LAMTOR3: variants seen among roughly 807,000 people sequenced by gnomAD.
LAMTOR3 encodes the protein late endosomal/lysosomal adaptor, MAPK and MTOR activator 3.
In LAMTOR3, 14 loss-of-function variants were observed where a neutral mutation model predicts 20.3. That is an observed-to-expected ratio of 0.69 (90% CI 0.46 to 1.08). The LOEUF is 1.08. Ranked by LOEUF, LAMTOR3 falls within the 50% of genes least tolerant of loss-of-function variation. The probability of loss-of-function intolerance (pLI) is 0.00; values close to 1 mark genes in which losing one functional copy is unlikely to be tolerated. For missense variants in LAMTOR3, 125 were observed against 143.7 expected (o/e 0.87, Z 0.67); for synonymous variants, 40 against 49.4 (o/e 0.81, Z 0.80).
intron 3 of LAMTOR3, among the ~76,000 whole-genome samples, chr4:99,891,248 C>T (rs556115107): frequency 5.3e-5 from 8 of 152,136 alleles, no homozygotes; most frequent in Non-Finnish European, 8.8e-5. Flanking sequence ...CCTTTCATTA[C>T]GCTAAGGTAA....
chr4:99,882,268 T>C (rs1235921781), intron 6 of LAMTOR3, among the ~76,000 whole-genome samples: 1 of 152,184 alleles, frequency 6.6e-6, no homozygotes, highest in Non-Finnish European at 1.5e-5. Context: ...TTCTGGAATA[T>C]TTGTACAATA....
chr4:99,882,902 A>C (rs1724854414), intron 6 of LAMTOR3, among the ~76,000 whole-genome samples: 1 of 152,094 alleles, frequency 6.6e-6, no homozygotes, highest in Non-Finnish European at 1.5e-5. Context: ...TTAGTTTACT[A>C]GAGTGAAAGG....
chr4:99,891,488 G>T (rs547393448), intron 3 of LAMTOR3, among the ~76,000 whole-genome samples: 2 of 152,204 alleles, frequency 1.3e-5, no homozygotes, highest in East Asian at 3.9e-4. Flanking sequence ...TCAGTAACCA[G>T]CCACATCATT....
At chr4:99,882,695 T>A (rs1404776036) in intron 6 of LAMTOR3, among the ~76,000 whole-genome samples, 2 of 152,052 alleles carry the variant, frequency 1.3e-5, no homozygotes, top group Non-Finnish European at 2.9e-5. Context: ...TAACAGATTA[T>A]ATCAAAAGAT....
rs900483822 is a variant in LAMTOR3 at position 99,878,480 on chromosome 4, C to A, written c.*3514G>T. The A allele has an allele frequency of 6.6e-5, 10 of 152,208 alleles. No individual in the cohort carries two copies. The highest frequency in any genetic ancestry group is 2.2e-4 in the African/African-American group (9 of 41,442). 9.4% of individuals were successfully genotyped at this position (152,208 alleles called of 1,614,324 possible). On this transcript the variant is annotated 3_prime_UTR_variant, in exon 7 of 7. Coordinates refer to ENST00000499666, the MANE Select transcript of LAMTOR3 (RefSeq NM_021970.4). ...ATGAAGTTTACAATGAAAAGGCTCACTCCTGGGATCCTTATCCCCCAGGTA... is the reference window on the plus strand; with the variant it reads ...ATGAAGTTTACAATGAAAAGGCTCAATCCTGGGATCCTTATCCCCCAGGTA...
chr4:99,878,470 A>G lies in LAMTOR3; in HGVS notation c.*3524T>C, dbSNP rs914835867. The G allele has an allele frequency of 5.3e-5, 8 of 152,234 alleles. No individual in the cohort carries two copies. In the East Asian group the frequency reaches 1.3e-3, roughly 26 times the overall value. The allele number at this position is 152,234 out of a possible 1,614,324, so 9.4% of individuals were successfully genotyped here. On this transcript the variant is annotated 3_prime_UTR_variant, in exon 7 of 7. Coordinates refer to ENST00000499666, the MANE Select transcript of LAMTOR3 (RefSeq NM_021970.4). ...TCAAAGTACAATGAAGTTTACAATG[A>G]AAAGGCTCACTCCTGGGATCCTTAT...
In LAMTOR3 at chr4:99,879,718, C is replaced by A. The variant is rs1358093138; in HGVS notation, c.*2276G>T. 7.7e-6 allele frequency: 1 copy of A among 130,642 alleles called. No individual in the cohort carries two copies. The highest frequency in any genetic ancestry group is 7.6e-5 in the Admixed American group (1 of 13,154). 8.1% of individuals were successfully genotyped at this position (130,642 alleles called of 1,614,324 possible). On this transcript the variant is annotated 3_prime_UTR_variant, in exon 7 of 7. Transcript: ENST00000499666. ...GAACATCATACTGTACTGACAGGAACCCCAGATGGTATAGCCTACTACTAC... is the reference window on the plus strand; with the variant it reads ...GAACATCATACTGTACTGACAGGAAACCCAGATGGTATAGCCTACTACTAC...
Position 99,891,835 on chromosome 4 carries a change from C to T in LAMTOR3, c.44+165G>A, listed in dbSNP as rs181285022. ...AACTTATTGACATAAATGAGGAAAGCGGTTGTGACGAAAATTTTCCAGAGG... is the reference window on the plus strand; with the variant it reads ...AACTTATTGACATAAATGAGGAAAGTGGTTGTGACGAAAATTTTCCAGAGG... On this transcript the variant is annotated intron_variant, in intron 3 of 6. Coordinates refer to ENST00000499666, the MANE Select transcript of LAMTOR3 (RefSeq NM_021970.4). 1.5e-3 allele frequency among the ~76,000 whole-genome samples: 231 copies of T among 152,158 alleles called. 1 individual carries two copies. Among genetic ancestry groups the T allele is most frequent in the African/African-American group, 5.4e-3 (224 of 41,516 alleles).
rs1338069522 is a variant in LAMTOR3 at position 99,880,881 on chromosome 4, C to CTGTCT, written c.*1112_*1113insAGACA. 1 of 152,226 alleles carries CTGTCT rather than the reference C, an allele frequency of 6.6e-6. No homozygotes were observed. The highest frequency in any genetic ancestry group is 1.9e-4 in the East Asian group (1 of 5,198). 9.4% of individuals were successfully genotyped at this position (152,226 alleles called of 1,614,324 possible). On this transcript the variant is annotated 3_prime_UTR_variant, in exon 7 of 7. Transcript: ENST00000499666. The stretch of plus-strand genomic sequence containing the variant: ...CTGAATGATAGACTGCATTCCTGAA[C>CTGTCT]ATAAAGGGTATATTCTAGAACTGTA...
chr4:99,885,675 A>G lies in LAMTOR3; in HGVS notation c.104T>C (p.Val35Ala). The G allele has an allele frequency of 4.3e-6, 7 of 1,610,394 alleles. No homozygotes were observed. The highest frequency in any genetic ancestry group is 3.4e-6 in the Non-Finnish European group (4 of 1,178,510). Residue 35 changes from valine to alanine, a missense_variant and splice_region_variant, in exon 5 of 7, where the codon GTG (valine) becomes GCG (alanine). By Grantham distance (64) the Val-to-Ala change is moderately conservative (BLOSUM62 0). This residue lies in a region of LAMTOR3 where 99 missense variants were observed against 96.0 expected (regional missense o/e 1.03). Coordinates refer to ENST00000499666, the MANE Select transcript of LAMTOR3 (RefSeq NM_021970.4). ...ATGCTCTGGAGCATTGTCATTTGCC[A>G]CTAGAAAAATAAGTGATTTAAATAA... ...SDRDGVPVIK[V>A]ANDNAPEHAL...
At chr4:99,890,686 G>C (rs1436443771) in intron 3 of LAMTOR3, among the ~76,000 whole-genome samples, 1 of 150,700 alleles carries the variant, frequency 6.6e-6, no homozygotes, top group Non-Finnish European at 1.5e-5. Flanking sequence ...TTTTCATAAA[G>C]CTTTTAACAA....
At chr4:99,893,767 C>G (rs1725068717) in intron 2 of LAMTOR3, among the ~76,000 whole-genome samples, 188 bp downstream of exon 2, 2 of 152,134 alleles carry the variant, frequency 1.3e-5, no homozygotes, top group Non-Finnish European at 2.9e-5. Flanking sequence ...GAGGCAGAAA[C>G]TCAGGATCCT....
At chr4:99,887,254 C>T (rs1307547661) in intron 4 of LAMTOR3, 42 bp downstream of exon 4, 1 of 1,353,076 alleles carries the variant, frequency 7.4e-7, no homozygotes, top group Admixed American at 2.2e-5. Flanking sequence ...CATTTTTAGT[C>T]AAAAGCAAAG....
At chr4:99,886,064 T>A (rs10016741) in intron 4 of LAMTOR3, among the ~76,000 whole-genome samples, 1 of 152,140 alleles carries the variant, frequency 6.6e-6, no homozygotes, top group Admixed American at 6.5e-5. Context: ...CAGCAGTATC[T>A]CTCATAGATA....
upstream of LAMTOR3, chr4:99,894,428 G>A: frequency 6.5e-6 from 1 of 154,390 alleles, no homozygotes; most frequent in Non-Finnish European, 1.4e-5. Flanking sequence ...CATGATTCAT[G>A]ACCTCGTCTG....
At chr4:99,893,362 A>G (rs1430402388) in intron 2 of LAMTOR3, among the ~76,000 whole-genome samples, 2 of 152,164 alleles carry the variant, frequency 1.3e-5, no homozygotes, top group East Asian at 3.9e-4. Flanking sequence ...CAGGAATTTC[A>G]CTGACAATTT....
chr4:99,892,646 C>T (rs1001438617), intron 2 of LAMTOR3, among the ~76,000 whole-genome samples: 1 of 151,066 alleles, frequency 6.6e-6, no homozygotes, highest in African/African-American at 2.4e-5. Flanking sequence ...GTTTAAGGAC[C>T]TAAAATAAAT....
intron 3 of LAMTOR3, among the ~76,000 whole-genome samples, chr4:99,887,866 G>T (rs1223012189): frequency 6.6e-6 from 1 of 152,174 alleles, no homozygotes; most frequent in African/African-American, 2.4e-5. Context: ...TAAAACTGGT[G>T]GCAAGTGTTG....
intron 1 of LAMTOR3, 117 bp from the exon 2 acceptor site, chr4:99,894,117 G>A: frequency 1.7e-6 from 1 of 601,324 alleles, no homozygotes; most frequent in East Asian, 3.1e-5. Context: ...GCGGTTCTAG[G>A]GCTTGGCCCA....
Sources: gnomAD v4.1 joint callset for allele counts (sites outside exome capture counted in the v4.1 genomes callset) on GRCh38, gnomAD v4.1.1 for gene constraint, gnomAD v4.1.1 regional missense constraint, MANE v1.5 for transcripts, NCBI Gene and HGNC (gene_info 2026-07-23, HGNC 2026-07-21) for gene names.